Variants in ALDH1A2 observed in about 807,000 individuals in gnomAD.
ALDH1A2 encodes the protein retinal dehydrogenase 2.
A neutral mutation model predicts 60.3 loss-of-function variants in ALDH1A2; 27 were observed. That is an observed-to-expected ratio of 0.45 (90% CI 0.33 to 0.62). The LOEUF (loss-of-function observed/expected upper bound fraction) is 0.62. Ranked by LOEUF, ALDH1A2 falls within the 20% of genes least tolerant of loss-of-function variation. ALDH1A2 has a pLI of 0.02. For synonymous variants in ALDH1A2, 289 were observed against 232.4 expected (o/e 1.24, Z -2.21); for missense variants, 581 against 643.8 (o/e 0.90, Z 1.06).
At chr15:58,042,602 C>T (rs1269048384) in intron 1 of ALDH1A2, among the ~76,000 whole-genome samples, 1 of 151,904 alleles carries the variant, frequency 6.6e-6, no homozygotes, top group Non-Finnish European at 1.5e-5. Context: ...TCTCATGTCC[C>T]AGAAAAGCTG....
At chr15:58,054,718 A>G (rs1214127309) in intron 1 of ALDH1A2, among the ~76,000 whole-genome samples, 1 of 152,140 alleles carries the variant, frequency 6.6e-6, no homozygotes, top group African/African-American at 2.4e-5. Context: ...CTCCCAAGTC[A>G]ATCTTAACAG....
intron 9 of ALDH1A2, among the ~76,000 whole-genome samples, chr15:57,963,268 T>C (rs765405266): frequency 1.3e-5 from 2 of 152,080 alleles, no homozygotes; most frequent in African/African-American, 2.4e-5. Context: ...TGGGTTCTAG[T>C]GTCCAGACCC....
chr15:58,022,822 C>T (rs1376758407), intron 1 of ALDH1A2, among the ~76,000 whole-genome samples: 3 of 152,144 alleles, frequency 2.0e-5, no homozygotes, highest in Non-Finnish European at 4.4e-5. Context: ...CAAAATGCCC[C>T]ATCCAACCAA....
At chr15:58,052,542 T>C (rs547328705) in intron 1 of ALDH1A2, among the ~76,000 whole-genome samples, 1 of 152,134 alleles carries the variant, frequency 6.6e-6, no homozygotes, top group Admixed American at 6.6e-5. Context: ...CTCGGCTCAG[T>C]GCAACCTCTG....
intron 1 of ALDH1A2, among the ~76,000 whole-genome samples, chr15:58,037,896 C>T (rs4144005): frequency 0.4 from 60,447 of 151,488 alleles, 12,274 homozygotes; most frequent in Non-Finnish European, 0.44. Flanking sequence ...CTCAAAAAGA[C>T]ACACTTTGTG....
intron 5 of ALDH1A2, 95 bp downstream of exon 5, chr15:57,994,983 T>C: frequency 8.2e-7 from 1 of 1,222,602 alleles, no homozygotes; most frequent in South Asian, 1.2e-5. Flanking sequence ...CCTCCAGTAA[T>C]GGAAAACACA....
intron 7 of ALDH1A2, among the ~76,000 whole-genome samples, chr15:57,984,188 T>TGGGCAGGTAATGTAACCCC (rs1352595962): frequency 3.3e-5 from 5 of 152,196 alleles, no homozygotes; most frequent in Non-Finnish European, 5.9e-5. Context: ...CATGTAACCC[T>TGGGCAGGTAATGTAACCCC]GGGCAGGTAA....
chr15:57,994,127 G>A (rs1320798831), intron 5 of ALDH1A2, among the ~76,000 whole-genome samples: 1 of 152,212 alleles, frequency 6.6e-6, no homozygotes, highest in African/African-American at 2.4e-5. Flanking sequence ...GGCAAGAAAA[G>A]TAAGTTTGAA....
At chr15:58,043,433 T>C (rs1399621380) in intron 1 of ALDH1A2, among the ~76,000 whole-genome samples, 1 of 152,000 alleles carries the variant, frequency 6.6e-6, no homozygotes, top group Non-Finnish European at 1.5e-5. Context: ...AGAAAGTGTA[T>C]CAGAAGTTCT....
rs563536339 is a variant in ALDH1A2 at position 58,024,711 on chromosome 15, T to A, written c.118-10430A>T. Among the ~76,000 whole-genome samples the A allele has an allele frequency of 4.6e-5, 7 of 152,252 alleles. No homozygotes were observed. In the South Asian group the frequency reaches 1.2e-3, roughly 27 times the overall value. Reference sequence around the variant, plus strand: ...AACTAGACTTTACACCAAATAGACCTAACATTCTATCCAACTACTGCAGAC... The same window carrying A: ...AACTAGACTTTACACCAAATAGACCAAACATTCTATCCAACTACTGCAGAC... On this transcript the variant is annotated intron_variant, in intron 1 of 12. Coordinates refer to ENST00000249750, the MANE Select transcript of ALDH1A2 (RefSeq NM_003888.4).
Position 57,955,035 on chromosome 15 carries a change from G to A in ALDH1A2, c.*162C>T. On this transcript the variant is annotated 3_prime_UTR_variant, in exon 13 of 13. Coordinates refer to ENST00000249750, the MANE Select transcript of ALDH1A2 (RefSeq NM_003888.4). ...AGTGCCAAGAAACTGTACCCAGCTG[G>A]TTTGCTTTAGTTGTGCAGTGACCTG... 1.3e-6 allele frequency: 1 copy of A among 788,778 alleles called. No homozygotes were observed. The highest frequency in any genetic ancestry group is 2.2e-6 in the Non-Finnish European group (1 of 448,208). 48.9% of individuals were successfully genotyped at this position (788,778 alleles called of 1,614,324 possible).
intron 1 of ALDH1A2, among the ~76,000 whole-genome samples, chr15:58,033,772 C>A (rs1896306477): frequency 6.7e-6 from 1 of 149,812 alleles, no homozygotes; most frequent in Non-Finnish European, 1.5e-5. Context: ...TGCTTTTGCT[C>A]CTTTATCAGG....
chr15:58,011,819 C>CATGT (rs1455771313), intron 3 of ALDH1A2, among the ~76,000 whole-genome samples: 3 of 152,116 alleles, frequency 2.0e-5, no homozygotes. Flanking sequence ...CTTTTTAGAA[C>CATGT]ATGTATATGT....
At chr15:57,984,719 T>C (rs1183528276) in intron 7 of ALDH1A2, among the ~76,000 whole-genome samples, 2 of 152,216 alleles carry the variant, frequency 1.3e-5, no homozygotes, top group African/African-American at 2.4e-5. Context: ...TGAACAGTAT[T>C]CCATTGTATG....
intron 3 of ALDH1A2, among the ~76,000 whole-genome samples, chr15:58,013,324 TTTTAA>T (rs1418103205): frequency 6.6e-6 from 1 of 152,168 alleles, no homozygotes; most frequent in African/African-American, 2.4e-5. Context: ...GCTTGACTGT[TTTTAA>T]TTTGTCATGG....
chr15:58,013,090 A>G (rs1007053117), intron 3 of ALDH1A2, among the ~76,000 whole-genome samples: 18 of 152,222 alleles, frequency 1.2e-4, no homozygotes, highest in African/African-American at 4.3e-4. Flanking sequence ...TTTTAGTGAA[A>G]GGAAGTTGCT....
At chr15:58,002,365 ACAG>A (rs1163746341) in intron 4 of ALDH1A2, among the ~76,000 whole-genome samples, 1 of 151,962 alleles carries the variant, frequency 6.6e-6, no homozygotes, top group East Asian at 1.9e-4. Flanking sequence ...ATCAAACTAC[ACAG>A]AAGAGAGAGA....
intron 1 of ALDH1A2, among the ~76,000 whole-genome samples, chr15:58,041,741 A>C (rs1225833090): frequency 6.6e-6 from 1 of 151,926 alleles, no homozygotes; most frequent in Non-Finnish European, 1.5e-5. Flanking sequence ...GTCCTCCTTT[A>C]TCCATGGGGG....
rs559338700 is a variant in ALDH1A2 at position 57,975,369 on chromosome 15, A to G, written c.799-9542T>C. Among the ~76,000 whole-genome samples the G allele has an allele frequency of 6.6e-5, 10 of 152,366 alleles. No homozygotes were observed. The South Asian group carries it at 2.1e-3, about 32-fold the overall frequency. ...AATCCAAATGTTCATCATTGGCTGA[A>G]TGGCTATTAAACCTGATACAGGTTG... On this transcript the variant is annotated intron_variant, in intron 7 of 12. Coordinates refer to ENST00000249750, the MANE Select transcript of ALDH1A2 (RefSeq NM_003888.4).
Sources: gnomAD v4.1 joint callset for allele counts (sites outside exome capture counted in the v4.1 genomes callset) on GRCh38, gnomAD v4.1.1 for gene constraint, MANE v1.5 for transcripts, NCBI Gene and HGNC (gene_info 2026-07-23, HGNC 2026-07-21) for gene names.